The following PDZD2 variants were observed in gnomAD, a reference collection of about 807,000 sequenced individuals.
The protein encoded by PDZD2 is PDZ domain-containing protein 2.
A neutral mutation model predicts 220.7 loss-of-function variants in PDZD2; 90 were observed. The ratio of observed to expected loss-of-function variants is 0.41; its 90% CI spans 0.34 to 0.49. The LOEUF (loss-of-function observed/expected upper bound fraction) is 0.49. Ranked by LOEUF, PDZD2 falls within the 20% of genes least tolerant of loss-of-function variation. The pLI is 0.28. For synonymous variants in PDZD2, 1,375 were observed against 1,450.5 expected (o/e 0.95, Z 1.18); for missense variants, 3,174 against 3,608.5 (o/e 0.88, Z 3.08).
At chr5:31,812,479 C>G (rs1354462981) in intron 2 of PDZD2, among the ~76,000 whole-genome samples, 2 of 151,972 alleles carry the variant, frequency 1.3e-5, no homozygotes, top group African/African-American at 4.8e-5. Context: ...TTTTCTGTCC[C>G]CCAGGCTGAA....
intron 8 of PDZD2, among the ~76,000 whole-genome samples, chr5:32,050,768 C>G (rs1192088587): frequency 6.6e-6 from 1 of 152,168 alleles, no homozygotes; most frequent in African/African-American, 2.4e-5. Context: ...CTGCAGTGAG[C>G]TGTGATCACG....
chr5:32,091,311 G>A, intron 20 of PDZD2, 136 bp downstream of exon 20: 1 of 622,978 alleles, frequency 1.6e-6, no homozygotes, highest in Non-Finnish European at 2.5e-6. Flanking sequence ...TTGAGATGGA[G>A]CATCGCTCTG....
intron 1 of PDZD2, among the ~76,000 whole-genome samples, chr5:31,774,034 C>T (rs527917529): frequency 6.6e-6 from 1 of 152,258 alleles, no homozygotes; most frequent in South Asian, 2.1e-4. Flanking sequence ...CTCCTATTCT[C>T]CCCAGCTGTT....
intron 1 of PDZD2, among the ~76,000 whole-genome samples, chr5:31,649,850 A>C (rs4867357): frequency 6.9e-6 from 1 of 144,196 alleles, no homozygotes; most frequent in East Asian, 2.2e-4. Flanking sequence ...AGGCAGGAGA[A>C]CCGCTTGAAC....
intron 15 of PDZD2, among the ~76,000 whole-genome samples, chr5:32,070,900 C>T (rs1740679084): frequency 1.4e-5 from 1 of 71,054 alleles, no homozygotes; most frequent in South Asian, 3.8e-4. Context: ...GAGGCTGAGA[C>T]AGGAGAGGTT....
chr5:31,974,954 T>C (rs1749612459), intron 2 of PDZD2, among the ~76,000 whole-genome samples: 1 of 152,112 alleles, frequency 6.6e-6, no homozygotes, highest in Admixed American at 6.6e-5. Context: ...GATTTGGTAG[T>C]TGATAATTTG....
At chr5:31,825,633 C>T (rs1023457414) in intron 2 of PDZD2, among the ~76,000 whole-genome samples, 2 of 152,150 alleles carry the variant, frequency 1.3e-5, no homozygotes, top group African/African-American at 2.4e-5. Flanking sequence ...TAGTCTTTTT[C>T]CAGACCTTTT....
At chr5:31,774,912 G>T (rs2150201743) in intron 1 of PDZD2, among the ~76,000 whole-genome samples, 1 of 152,304 alleles carries the variant, frequency 6.6e-6, no homozygotes, top group African/African-American at 2.4e-5. Context: ...CAAATGGCTG[G>T]CAGGGAGGGG....
chr5:32,057,619 G>T, intron 10 of PDZD2, 36 bp from the exon 11 acceptor site: 1 of 1,224,772 alleles, frequency 8.2e-7, no homozygotes, highest in Admixed American at 1.8e-5. Flanking sequence ...GAAATTAAAG[G>T]CTAATGTTAA....
chr5:31,667,837 A>T (rs995080936), intron 1 of PDZD2, among the ~76,000 whole-genome samples: 3 of 149,546 alleles, frequency 2.0e-5, no homozygotes, highest in African/African-American at 7.4e-5. Context: ...GCAGAGAACA[A>T]ACTGCCTTTT....
intron 1 of PDZD2, among the ~76,000 whole-genome samples, chr5:31,648,142 C>T (rs569080795): frequency 6.6e-6 from 1 of 152,252 alleles, no homozygotes; most frequent in African/African-American, 2.4e-5. Flanking sequence ...TCCTTGGATC[C>T]TCTTTTTTGG....
intron 2 of PDZD2, among the ~76,000 whole-genome samples, chr5:31,873,533 T>TTTTATTTATTTA (rs57704132): frequency 6.2e-4 from 90 of 144,082 alleles, no homozygotes; most frequent in Middle Eastern, 3.5e-3. Flanking sequence ...TGAAAATTCT[T>TTTTATTTATTTA]TTTATTTATT....
chr5:31,809,363 C>T (rs1375219873), intron 2 of PDZD2, among the ~76,000 whole-genome samples: 1 of 152,192 alleles, frequency 6.6e-6, no homozygotes, highest in Non-Finnish European at 1.5e-5. Context: ...ATGTTTTCAG[C>T]CTTCAGAGCT....
chr5:31,828,005 A>G (rs1412176513), intron 2 of PDZD2, among the ~76,000 whole-genome samples: 2 of 152,226 alleles, frequency 1.3e-5, no homozygotes, highest in African/African-American at 4.8e-5. Context: ...TTCAGTGCTC[A>G]TCTGTGTTTC....
In PDZD2 at chr5:32,087,556, C is replaced by T. The variant is rs146366037; in HGVS notation, c.4108C>T (p.Pro1370Ser). The T allele has an allele frequency of 2.0e-4, 326 of 1,613,876 alleles. No individual in the cohort carries two copies. The African/African-American group carries it at 3.7e-3, about 18-fold the overall frequency. ...TCTGGAAATGACAGGAATCCATGCA[C>T]CTGAAAGCTCCCAGGAGCCTTCCCT... ...KALEMTGIHA[P>S]ESSQEPSLLE... The change falls in exon 20 of 25, where the codon CCT becomes TCT. Residue 1370 changes from proline to serine, a missense_variant. This residue lies in a region of PDZD2 where 1,861 missense variants were observed against 2,001.0 expected (regional missense o/e 0.93). Coordinates refer to ENST00000438447, the MANE Select transcript of PDZD2 (RefSeq NM_178140.4). The surrounding 1 kb of genome is among the most constrained non-coding windows in gnomAD (Gnocchi z 4.0).
At chr5:31,686,096 A>G (rs1202598084) in intron 1 of PDZD2, among the ~76,000 whole-genome samples, 1 of 151,492 alleles carries the variant, frequency 6.6e-6, no homozygotes, top group Non-Finnish European at 1.5e-5. Flanking sequence ...CCTACTACCC[A>G]GGTAGTAGTC....
At chr5:31,880,388 C>CATGT (rs780747719) in intron 2 of PDZD2, among the ~76,000 whole-genome samples, 3 of 152,148 alleles carry the variant, frequency 2.0e-5, no homozygotes, top group Admixed American at 6.5e-5. Flanking sequence ...GTGGATTGCC[C>CATGT]ATGTCTCAAC....
At chr5:32,067,951 C>T (rs1049949163) in intron 14 of PDZD2, among the ~76,000 whole-genome samples, 10 of 152,046 alleles carry the variant, frequency 6.6e-5, no homozygotes, top group African/African-American at 1.2e-4. Context: ...TATTGGAGAG[C>T]GGGATATTTA....
intron 1 of PDZD2, among the ~76,000 whole-genome samples, chr5:31,665,405 T>C (rs2150114463): frequency 6.6e-6 from 1 of 152,264 alleles, no homozygotes; most frequent in East Asian, 1.9e-4. Context: ...TCAGCTTGTG[T>C]TCTGGTCTTT....
Sources: gnomAD v4.1 joint callset for allele counts (sites outside exome capture counted in the v4.1 genomes callset) on GRCh38, gnomAD v4.1.1 for gene constraint, gnomAD v4.1.1 regional missense constraint, Gnocchi (gnomAD v3.1) non-coding constraint, MANE v1.5 for transcripts, NCBI Gene and HGNC (gene_info 2026-07-23, HGNC 2026-07-21) for gene names.